Variants in ARHGAP44 observed in about 807,000 individuals in gnomAD.
ARHGAP44 encodes the protein rho GTPase-activating protein 44.
Under a neutral mutation model 106.8 loss-of-function variants are expected in ARHGAP44, and 43 were observed. The observed-to-expected ratio is 0.40, with a 90% CI of 0.32 to 0.52. The LOEUF is 0.52. Among genes scored for constraint, ARHGAP44 ranks in the 20% least tolerant of loss-of-function variants. The probability of loss-of-function intolerance (pLI) is 0.48; values close to 1 mark genes in which losing one functional copy is unlikely to be tolerated. For synonymous variants in ARHGAP44, 439 were observed against 410.3 expected, an observed-to-expected ratio of 1.07 and a Z score of -0.85; for missense variants, 866 against 1,050.5, an observed-to-expected ratio of 0.82 and a Z score of 2.43.
intron 20 of ARHGAP44, chr17:12,987,308 C>A: frequency 3.3e-6 from 2 of 608,216 alleles, no homozygotes; most frequent in Non-Finnish European, 5.3e-6. Flanking sequence ...ATGAGTTGAT[C>A]CATGAGCTTA....
At chr17:12,870,030 CTTGTCA>C (rs2036363683) in intron 1 of ARHGAP44, among the ~76,000 whole-genome samples, 1 of 143,388 alleles carries the variant, frequency 7.0e-6, no homozygotes. Flanking sequence ...TCAATTATTT[CTTGTCA>C]ACAAATACCG....
chr17:12,942,132 TTTAA>T (rs137961620), intron 8 of ARHGAP44, among the ~76,000 whole-genome samples: 6,842 of 152,206 alleles, frequency 0.045, 241 homozygotes, highest in Admixed American at 0.089. Context: ...ACTTGGAAAG[TTTAA>T]TTAATTAATT....
At chr17:12,899,991 C>T (rs1015813498) in intron 3 of ARHGAP44, among the ~76,000 whole-genome samples, 3 of 152,092 alleles carry the variant, frequency 2.0e-5, no homozygotes, top group African/African-American at 4.8e-5. Flanking sequence ...GCATAAAAAT[C>T]GGATTTTGTT....
chr17:12,989,561 G>A (rs868368608), intron 20 of ARHGAP44, among the ~76,000 whole-genome samples: 10 of 152,296 alleles, frequency 6.6e-5, no homozygotes, highest in Middle Eastern at 3.4e-3. Context: ...CATCCAAAAT[G>A]CAGCTGTTTC....
chr17:12,941,830 C>T (rs964922320), intron 8 of ARHGAP44, among the ~76,000 whole-genome samples: 1 of 151,696 alleles, frequency 6.6e-6, no homozygotes, highest in Non-Finnish European at 1.5e-5. Context: ...CAAAAAACTT[C>T]GAAAGAGAAA....
chr17:12,980,895 T>G (rs2039812407), intron 19 of ARHGAP44: 2 of 152,212 alleles, frequency 1.3e-5, no homozygotes, highest in African/African-American at 4.8e-5. Context: ...ATCCTGTGTG[T>G]TCTAATTTCA....
At chr17:12,955,007 A>C (rs1426402049) in intron 13 of ARHGAP44, among the ~76,000 whole-genome samples, 1 of 151,536 alleles carries the variant, frequency 6.6e-6, no homozygotes, top group East Asian at 1.9e-4. Flanking sequence ...TCCGATAAGC[A>C]CTCCTTATTT....
intron 1 of ARHGAP44, among the ~76,000 whole-genome samples, chr17:12,854,864 C>G (rs540515536): frequency 6.6e-6 from 1 of 150,616 alleles, no homozygotes; most frequent in South Asian, 2.1e-4. Context: ...AGGCCGAGGC[C>G]GCAGAATCGC....
intron 3 of ARHGAP44, among the ~76,000 whole-genome samples, chr17:12,906,099 A>G (rs1391296008): frequency 6.6e-6 from 1 of 152,196 alleles, no homozygotes; most frequent in Admixed American, 6.5e-5. Context: ...GATGTTGCCA[A>G]ATGACCCCAG....
Position 12,990,399 on chromosome 17 carries a change from A to G in ARHGAP44, c.*228A>G. The G allele has an allele frequency of 1.9e-6, 1 of 519,014 alleles. No individual in the cohort carries two copies. 32.2% of individuals were successfully genotyped at this position (519,014 alleles called of 1,614,324 possible). On this transcript the variant is annotated 3_prime_UTR_variant, in exon 21 of 21. Transcript: ENST00000379672. ...GGTGGTGACTTCGGCCTTTTGTTTG[A>G]CCTTTGCCTTTTGACTTTGTGCCTC...
At chr17:12,845,490 A>G (rs7220848) in intron 1 of ARHGAP44, among the ~76,000 whole-genome samples, 42,071 of 146,966 alleles carry the variant, frequency 0.29, 9,150 homozygotes, top group African/African-American at 0.61. Flanking sequence ...CCTGGTGACA[A>G]AGCAAGACTC....
chr17:12,903,439 T>C lies in ARHGAP44; in HGVS notation c.199-5458T>C, dbSNP rs1197782070. ...TGAAAATCACTGGCAGCATGAAGTT[T>C]GCTAAGATCTTTTTACCTGGGCACT... On this transcript the variant is annotated intron_variant, in intron 3 of 20. Transcript: ENST00000379672. Among the ~76,000 whole-genome samples the C allele has an allele frequency of 2.0e-5, 3 of 152,276 alleles. 1 individual carries two copies. Among genetic ancestry groups the C allele is most frequent in the East Asian group, 1.9e-4 (1 of 5,184 alleles).
chr17:12,889,715 A>G (rs904643083), intron 1 of ARHGAP44, among the ~76,000 whole-genome samples: 6 of 152,154 alleles, frequency 3.9e-5, no homozygotes, highest in African/African-American at 1.4e-4. Flanking sequence ...CCAGAATCTC[A>G]TCTAGATCAG....
At chr17:12,812,834 G>A (rs2034478158) in intron 1 of ARHGAP44, among the ~76,000 whole-genome samples, 1 of 152,090 alleles carries the variant, frequency 6.6e-6, no homozygotes, top group African/African-American at 2.4e-5. Flanking sequence ...TTTTAAACAA[G>A]CTACTCTTTG....
rs544276957 is a variant in ARHGAP44 at position 12,933,763 on chromosome 17, T to A, written c.582+4717T>A. Among the ~76,000 whole-genome samples, 14 of 152,340 alleles carry A rather than the reference T, an allele frequency of 9.2e-5. 1 individual carries two copies. The South Asian group carries it at 2.9e-3, about 32-fold the overall frequency. ...ATTTTGCTTCGTACAGGAGACTGGCTGCAGTCTTAGGATTTTCACTGTAAA... is the reference window on the plus strand; with the variant it reads ...ATTTTGCTTCGTACAGGAGACTGGCAGCAGTCTTAGGATTTTCACTGTAAA... On this transcript the variant is annotated intron_variant, in intron 7 of 20. Coordinates refer to ENST00000379672, the MANE Select transcript of ARHGAP44 (RefSeq NM_014859.6).
chr17:12,917,600 C>G (rs1347754819), intron 5 of ARHGAP44, among the ~76,000 whole-genome samples: 1 of 152,112 alleles, frequency 6.6e-6, no homozygotes, highest in Non-Finnish European at 1.5e-5. Context: ...ACACATTGGT[C>G]TCTTTTGGAA....
At chr17:12,796,695 C>G (rs1027773404) in intron 1 of ARHGAP44, among the ~76,000 whole-genome samples, 1 of 151,824 alleles carries the variant, frequency 6.6e-6, no homozygotes, top group Non-Finnish European at 1.5e-5. Context: ...CTCCCGGATT[C>G]ATGCCATTCT....
chr17:12,980,193 C>G lies in ARHGAP44; in HGVS notation c.1899C>G (p.Ser633Arg), dbSNP rs2039797206. 20 of 1,613,518 alleles carry G rather than the reference C, an allele frequency of 1.2e-5. No homozygotes were observed. The highest frequency in any genetic ancestry group is 1.7e-5 in the Non-Finnish European group (20 of 1,179,862). ...AGCCGGGCGCCAGCCCCAGCCCCAG[C>G]CAGCCGCCTGCAGACCAGAGTCCTC... ...GAQPGASPSP[S>R]QPPADQSPHT... Residue 633 changes from serine to arginine, a missense_variant, in exon 19 of 21, where the codon AGC (serine) becomes AGG (arginine). Around this residue, in one of 2 missense-constraint regions of ARHGAP44, gnomAD observed 418 missense variants for 403.6 expected, o/e 1.04. Coordinates refer to ENST00000379672, the MANE Select transcript of ARHGAP44 (RefSeq NM_014859.6).
intron 16 of ARHGAP44, among the ~76,000 whole-genome samples, chr17:12,970,434 C>A: frequency 6.6e-6 from 1 of 150,754 alleles, no homozygotes; most frequent in Non-Finnish European, 1.5e-5. Context: ...TGGAGAGAAT[C>A]ACCTCAGGTT....
Sources: allele counts gnomAD v4.1 joint callset (sites outside exome capture counted in the v4.1 genomes callset), GRCh38; gene constraint gnomAD v4.1.1; regional missense constraint gnomAD v4.1.1; transcripts MANE v1.5; gene names NCBI Gene and HGNC (gene_info 2026-07-23, HGNC 2026-07-21).